Variants in PPP1R12A observed in about 807,000 individuals in gnomAD.
PPP1R12A encodes the protein myosin binding subunit.
Under a neutral mutation model 139.6 loss-of-function variants are expected in PPP1R12A, and 19 were observed. That is an observed-to-expected ratio of 0.14 (90% confidence interval 0.09 to 0.20). PPP1R12A has a LOEUF of 0.20. Among genes scored for constraint, PPP1R12A ranks in the 10% least tolerant of loss-of-function variants. PPP1R12A has a pLI of 1.00. For synonymous variants in PPP1R12A, 427 were observed against 420.6 expected (o/e 1.02, Z -0.19); for missense variants, 925 against 1,211.5 (o/e 0.76, Z 3.51).
chr12:79,909,263 G>A (rs778209894), intron 1 of PPP1R12A, among the ~76,000 whole-genome samples: 3 of 152,084 alleles, frequency 2.0e-5, no homozygotes, highest in Non-Finnish European at 4.4e-5. Context: ...TAATGTAACC[G>A]CCTAAGGCAT....
At chr12:79,849,648 G>A (rs982655586) in intron 2 of PPP1R12A, among the ~76,000 whole-genome samples, 1 of 152,066 alleles carries the variant, frequency 6.6e-6, no homozygotes, top group Non-Finnish European at 1.5e-5. Context: ...TTTTCACACA[G>A]GTGTTCCAAA....
chr12:79,810,260 A>C (rs1337962616), intron 9 of PPP1R12A, among the ~76,000 whole-genome samples: 1 of 152,192 alleles, frequency 6.6e-6, no homozygotes, highest in African/African-American at 2.4e-5. Context: ...TCACACAGAA[A>C]AATTATGATG....
intron 2 of PPP1R12A, among the ~76,000 whole-genome samples, chr12:79,863,487 T>C (rs141862351): frequency 0.012 from 1,812 of 152,016 alleles, 37 homozygotes; most frequent in African/African-American, 0.042. Flanking sequence ...TAAATGTAAA[T>C]GGGCTAAATG....
intron 11 of PPP1R12A, 133 bp downstream of exon 11, chr12:79,808,350 C>T: frequency 1.6e-6 from 1 of 614,040 alleles, no homozygotes; most frequent in East Asian, 2.9e-5. Flanking sequence ...CTGGTATTTT[C>T]TCCTTCAGGA....
At position 79,935,026 on chromosome 12, in the gene PPP1R12A, A is replaced by C; in HGVS notation, c.-95T>G. On this transcript the variant is annotated 5_prime_UTR_variant, in exon 1 of 25. Coordinates refer to ENST00000450142, the MANE Select transcript of PPP1R12A (RefSeq NM_002480.3). ...AGGCAGGGGGTGTGTGAATGTTTCTATGAGTGCGGGCCAGAGGAGGGCTGG... is the reference window on the plus strand; with the variant it reads ...AGGCAGGGGGTGTGTGAATGTTTCTCTGAGTGCGGGCCAGAGGAGGGCTGG... 6.8e-7 allele frequency: 1 copy of C among 1,466,166 alleles called. No individual in the cohort carries two copies. Among genetic ancestry groups the C allele is most frequent in the Non-Finnish European group, 9.0e-7 (1 of 1,107,762 alleles). The allele number at this position is 1,466,166 out of a possible 1,614,324, so 90.8% of individuals were successfully genotyped here.
At chr12:79,891,954 C>G (rs1482116971) in intron 1 of PPP1R12A, among the ~76,000 whole-genome samples, 4 of 152,164 alleles carry the variant, frequency 2.6e-5, no homozygotes, top group African/African-American at 9.7e-5. Flanking sequence ...TCATGAGAAA[C>G]CTTTAGTCAG....
intron 23 of PPP1R12A, chr12:79,779,554 G>A (rs1870161870): frequency 4.9e-5 from 18 of 370,392 alleles, no homozygotes; most frequent in South Asian, 3.6e-4. Context: ...TCCAACATCG[G>A]CATGCCTAAA....
chr12:79,879,775 A>G (rs1592759831), intron 1 of PPP1R12A, among the ~76,000 whole-genome samples: 1 of 152,092 alleles, frequency 6.6e-6, no homozygotes, highest in East Asian at 1.9e-4. Context: ...TGTCGGGGTG[A>G]TTTTTACATA....
At chr12:79,819,887 T>C (rs1304416875) in intron 8 of PPP1R12A, among the ~76,000 whole-genome samples, 1 of 150,956 alleles carries the variant, frequency 6.6e-6, no homozygotes, top group Non-Finnish European at 1.5e-5. Flanking sequence ...TAAATGTTCA[T>C]CAGAATGGAA....
chr12:79,917,823 G>C (rs1432435908), intron 1 of PPP1R12A, among the ~76,000 whole-genome samples: 3 of 152,192 alleles, frequency 2.0e-5, no homozygotes, highest in Admixed American at 2.0e-4. Context: ...TTTAGAAACT[G>C]AGAGAAGTTA....
intron 1 of PPP1R12A, among the ~76,000 whole-genome samples, chr12:79,927,604 A>C (rs1477995124): frequency 6.6e-6 from 1 of 152,234 alleles, no homozygotes. Flanking sequence ...TCTTCTTCAG[A>C]CTTCAAAGAA....
At chr12:79,781,274 G>A (rs1870415980) in intron 23 of PPP1R12A, among the ~76,000 whole-genome samples, 2 of 152,008 alleles carry the variant, frequency 1.3e-5, no homozygotes, top group African/African-American at 4.8e-5. Context: ...ACATCAAGTG[G>A]CATAAGGATT....
intron 1 of PPP1R12A, among the ~76,000 whole-genome samples, chr12:79,904,221 A>C (rs566213902): frequency 7.9e-5 from 12 of 152,044 alleles, no homozygotes; most frequent in African/African-American, 2.4e-4. Flanking sequence ...TCTCCAAAAA[A>C]AAAAAGGAGT....
intron 1 of PPP1R12A, among the ~76,000 whole-genome samples, chr12:79,885,730 C>T (rs575372771): frequency 2.6e-5 from 4 of 152,038 alleles, no homozygotes; most frequent in Non-Finnish European, 5.9e-5. Context: ...GTCCATTACC[C>T]GAAATGCTTG....
chr12:79,867,963 G>T lies in PPP1R12A; in HGVS notation c.368+4845C>A, dbSNP rs141211147. Among the ~76,000 whole-genome samples, 766 of 152,216 alleles carry T rather than the reference G, an allele frequency of 5.0e-3. 4 individuals carry two copies. The highest frequency in any genetic ancestry group is 0.017 in the African/African-American group (726 of 41,538). ...TGGAACTGTGAGTCAATTAAATCTT[G>T]TTCCTTTATAAATTACCCAGTCTTG... On this transcript the variant is annotated intron_variant, in intron 2 of 24. Coordinates refer to ENST00000450142, the MANE Select transcript of PPP1R12A (RefSeq NM_002480.3).
At chr12:79,780,247 A>C (rs1186336283) in intron 23 of PPP1R12A, 2 of 151,992 alleles carry the variant, frequency 1.3e-5, no homozygotes, top group Non-Finnish European at 2.9e-5. Flanking sequence ...CACAAGGAAA[A>C]AAAATATGGT....
intron 1 of PPP1R12A, among the ~76,000 whole-genome samples, chr12:79,890,905 C>CCCACACA (rs1555235834): frequency 1.7e-5 from 2 of 115,682 alleles, no homozygotes; most frequent in Non-Finnish European, 3.4e-5. Context: ...CCACACCCAC[C>CCCACACA]CACACACACA....
chr12:79,870,132 C>G (rs1170017109), intron 2 of PPP1R12A, among the ~76,000 whole-genome samples: 1 of 151,938 alleles, frequency 6.6e-6, no homozygotes, highest in Non-Finnish European at 1.5e-5. Flanking sequence ...AGGTTTCACT[C>G]TTGTCACCTA....
chr12:79,832,949 C>T (rs1304771592), intron 3 of PPP1R12A, among the ~76,000 whole-genome samples: 2 of 152,092 alleles, frequency 1.3e-5, no homozygotes, highest in Non-Finnish European at 2.9e-5. Flanking sequence ...TATATCATAC[C>T]TTAAAATAGA....
Sources: gnomAD v4.1 joint callset for allele counts (sites outside exome capture counted in the v4.1 genomes callset) on GRCh38, gnomAD v4.1.1 for gene constraint, MANE v1.5 for transcripts, NCBI Gene and HGNC (gene_info 2026-07-23, HGNC 2026-07-21) for gene names.